The following STK32B variants were observed in gnomAD, a reference collection of about 807,000 sequenced individuals.
The protein encoded by STK32B is serine/threonine kinase 32B.
In STK32B, 43 loss-of-function variants were observed where a neutral mutation model predicts 52.6. That is an observed-to-expected ratio of 0.82 (90% CI 0.64 to 1.05). STK32B has a LOEUF of 1.05. Among genes scored for constraint, STK32B ranks in the 50% least tolerant of loss-of-function variants. The pLI, the probability that STK32B is intolerant of heterozygous loss-of-function variation, is 0.00. For missense variants in STK32B, 621 were observed against 534.6 expected (o/e 1.16, Z -1.59); for synonymous variants, 238 against 204.3 (o/e 1.17, Z -1.41).
intron 1 of STK32B, among the ~76,000 whole-genome samples, chr4:5,110,272 C>CA (rs367760309): frequency 0.087 from 9,309 of 106,564 alleles, 410 homozygotes; most frequent in East Asian, 0.13. Context: ...CATATGGAAC[C>CA]AAAAAAAAAA....
intron 3 of STK32B, among the ~76,000 whole-genome samples, chr4:5,179,617 G>T (rs965740796): frequency 6.6e-6 from 1 of 152,170 alleles, no homozygotes; most frequent in Non-Finnish European, 1.5e-5. Context: ...TTGATAGGTA[G>T]ATTGATAGAC....
intron 3 of STK32B, among the ~76,000 whole-genome samples, chr4:5,293,339 G>T (rs1021362741): frequency 1.3e-5 from 2 of 151,886 alleles, no homozygotes; most frequent in Non-Finnish European, 2.9e-5. Flanking sequence ...GGTATTTTTG[G>T]TTCTAGATCC....
intron 1 of STK32B, among the ~76,000 whole-genome samples, chr4:5,092,943 A>G (rs774186561): frequency 6.6e-6 from 1 of 152,214 alleles, no homozygotes; most frequent in Non-Finnish European, 1.5e-5. Flanking sequence ...TATTGGAAAA[A>G]TAATAAAAAG....
chr4:5,288,721 A>G (rs1405773046), intron 3 of STK32B, among the ~76,000 whole-genome samples: 1 of 152,100 alleles, frequency 6.6e-6, no homozygotes, highest in Non-Finnish European at 1.5e-5. Flanking sequence ...TGTCCTTTGG[A>G]ACACAAAAGT....
intron 1 of STK32B, among the ~76,000 whole-genome samples, chr4:5,115,696 C>T (rs1714677227): frequency 1.3e-5 from 2 of 152,078 alleles, no homozygotes; most frequent in Non-Finnish European, 2.9e-5. Context: ...GACACGTCCT[C>T]AGGAGAGCTG....
At chr4:5,041,183 T>C in the STK32B span, among the ~76,000 whole-genome samples, 10 of 152,210 alleles carry the variant, frequency 6.6e-5, no homozygotes, top group Non-Finnish European at 1.5e-4. Context: ...GGTGGGTTCA[T>C]GGAGCCTTTT....
intron 3 of STK32B, among the ~76,000 whole-genome samples, chr4:5,180,845 G>A (rs1358487923): frequency 1.3e-5 from 2 of 152,128 alleles, no homozygotes; most frequent in East Asian, 1.9e-4. Context: ...TCTAAAGAAC[G>A]AATGATTTGT....
At chr4:5,464,327 C>G (rs1717269327) in intron 9 of STK32B, among the ~76,000 whole-genome samples, 1 of 152,236 alleles carries the variant, frequency 6.6e-6, no homozygotes, top group Non-Finnish European at 1.5e-5. Flanking sequence ...CCAAGCTTGG[C>G]CTCCTCTGGG....
chr4:5,468,922 C>G (rs75997386), intron 11 of STK32B, among the ~76,000 whole-genome samples: 2 of 151,976 alleles, frequency 1.3e-5, no homozygotes, highest in African/African-American at 4.8e-5. Flanking sequence ...CAGTGGCGGG[C>G]ACCTGTAGTC....
intron 2 of STK32B, among the ~76,000 whole-genome samples, chr4:5,161,554 C>G (rs1340125297): frequency 2.0e-5 from 3 of 152,272 alleles, no homozygotes; most frequent in East Asian, 3.9e-4. Context: ...TAGTTATTCT[C>G]TTTTGTACAG....
chr4:5,371,022 G>GTATATATATGTATATATATATATA (rs1203864158), intron 4 of STK32B, among the ~76,000 whole-genome samples: 2 of 144,596 alleles, frequency 1.4e-5, no homozygotes, highest in African/African-American at 5.2e-5. Flanking sequence ...GTATATATAT[G>GTATATATATGTATATATATATATA]TGTATATATA....
chr4:5,220,080 AG>A (rs1255948311), intron 3 of STK32B, among the ~76,000 whole-genome samples: 3 of 152,218 alleles, frequency 2.0e-5, no homozygotes, highest in African/African-American at 7.2e-5. Flanking sequence ...AAGGAAAAAA[AG>A]ACTGCAAACT....
the STK32B span, among the ~76,000 whole-genome samples, chr4:5,025,773 A>G: frequency 6.6e-6 from 1 of 152,342 alleles, no homozygotes; most frequent in South Asian, 2.1e-4. Flanking sequence ...AACTCAGACT[A>G]TGGTACTGGC....
At chr4:5,443,432 C>T (rs939113048) in intron 6 of STK32B, among the ~76,000 whole-genome samples, 22 of 151,992 alleles carry the variant, frequency 1.4e-4, no homozygotes, top group Admixed American at 7.9e-4. Flanking sequence ...ACGTAGTTCT[C>T]GAGCCTTGGT....
intron 4 of STK32B, among the ~76,000 whole-genome samples, chr4:5,391,269 T>C (rs1270247249): frequency 2.0e-5 from 3 of 152,140 alleles, no homozygotes; most frequent in Non-Finnish European, 4.4e-5. Flanking sequence ...CTGTTTTCTC[T>C]CTTCATATAA....
At chr4:5,331,086 A>G (rs1577356783) in intron 3 of STK32B, 134 bp from the exon 4 acceptor site, 1 of 785,516 alleles carries the variant, frequency 1.3e-6, no homozygotes, top group Non-Finnish European at 1.9e-6. Context: ...CTCCACTCCC[A>G]TAGCACCATG....
At chr4:5,187,469 A>G (rs1577161002) in intron 3 of STK32B, among the ~76,000 whole-genome samples, 2 of 152,204 alleles carry the variant, frequency 1.3e-5, no homozygotes, top group South Asian at 4.1e-4. Flanking sequence ...ACAGCTGGAA[A>G]AGCTGAAGAC....
chr4:5,466,276 C>T (rs1205536019), intron 9 of STK32B, among the ~76,000 whole-genome samples: 2 of 152,136 alleles, frequency 1.3e-5, no homozygotes, highest in Non-Finnish European at 2.9e-5. Flanking sequence ...GAGCAGGGAA[C>T]CAGGGCAGGA....
At chr4:5,173,264 T>A (rs1451757279) in intron 3 of STK32B, among the ~76,000 whole-genome samples, 25 of 152,330 alleles carry the variant, frequency 1.6e-4, no homozygotes. Context: ...GCTCCTGGAT[T>A]CATTGATTTT....
Sources: allele counts gnomAD v4.1 joint callset (sites outside exome capture counted in the v4.1 genomes callset), GRCh38; gene constraint gnomAD v4.1.1; transcripts MANE v1.5; gene names NCBI Gene and HGNC (gene_info 2026-07-23, HGNC 2026-07-21).